Variants in MAP3K4 observed in about 807,000 individuals in gnomAD.
The protein encoded by MAP3K4 is mitogen-activated protein kinase kinase kinase 4.
MAP3K4 carries 67 observed loss-of-function variants against 185.6 expected under a neutral mutation model. That is an observed-to-expected ratio of 0.36 (90% confidence interval 0.30 to 0.44). The LOEUF (loss-of-function observed/expected upper bound fraction) is 0.44. Among genes scored for constraint, MAP3K4 ranks in the 20% least tolerant of loss-of-function variants. The probability of loss-of-function intolerance (pLI) is 1.00; values close to 1 mark genes in which losing one functional copy is unlikely to be tolerated. For synonymous variants in MAP3K4, 702 were observed against 710.4 expected, an observed-to-expected ratio of 0.99 and a Z score of 0.19; for missense variants, 1,551 against 1,995.1, an observed-to-expected ratio of 0.78 and a Z score of 4.24.
chr6:161,098,360 A>G lies in MAP3K4; in HGVS notation c.3607A>G (p.Ser1203Gly), dbSNP rs761298120. 3.7e-6 allele frequency: 6 copies of G among 1,613,586 alleles called. No homozygotes were observed. The highest frequency in any genetic ancestry group is 2.5e-6 in the Non-Finnish European group (3 of 1,179,932). ...TGCTGCTGCTGCTGCTGTTGCTGCC[A>G]GTCGGCCCAGCCCCTCTGGTGGTGA... ...AAAAAAAVAA[S>G]RPSPSGGDSV... is the part of the protein sequence containing the mutation. Residue 1203 changes from serine to glycine, a missense_variant, in exon 17 of 27, where the codon AGT becomes GGT. Transcript: ENST00000392142. This position sits in a 1 kb window ranked among gnomAD's most constrained non-coding sequence, Gnocchi z 4.4.
At chr6:161,057,632 A>G (rs1442948054) in intron 3 of MAP3K4, among the ~76,000 whole-genome samples, 6 of 152,200 alleles carry the variant, frequency 3.9e-5, no homozygotes, top group African/African-American at 1.4e-4. Context: ...AAGCTAGACC[A>G]GCAACAGTGT....
chr6:161,081,536 G>A (rs1785457443), intron 6 of MAP3K4, among the ~76,000 whole-genome samples: 1 of 152,122 alleles, frequency 6.6e-6, no homozygotes, highest in Admixed American at 6.5e-5. Context: ...CACTGTTTGG[G>A]GAATGTAGTG....
At position 161,108,036 on chromosome 6, in the gene MAP3K4, C is replaced by T. The variant is rs571186878; in HGVS notation, c.4119+67C>T. ...CTGGGTGATAGAAATTCCGTATAGA[C>T]GCTGGTCGTGATTCAGTTCTCTGTG... On this transcript the variant is annotated intron_variant, in intron 21 of 26. Coordinates refer to ENST00000392142, the MANE Select transcript of MAP3K4 (RefSeq NM_005922.4). This position sits in a 1 kb window ranked among gnomAD's most constrained non-coding sequence, Gnocchi z 5.7. 131 of 1,419,968 alleles carry T rather than the reference C, an allele frequency of 9.2e-5. 1 individual carries two copies. In the Middle Eastern group the frequency reaches 1.2e-3, roughly 14 times the overall value. 88.0% of individuals were successfully genotyped at this position (1,419,968 alleles called of 1,614,324 possible). A position where few individuals can be genotyped will look rare whatever the true frequency, so the allele number is the denominator to read the frequency against.
At chr6:161,099,492 G>A (rs1269697558) in intron 17 of MAP3K4, among the ~76,000 whole-genome samples, 1 of 152,156 alleles carries the variant, frequency 6.6e-6, no homozygotes, top group African/African-American at 2.4e-5. Flanking sequence ...TAACAACATT[G>A]AACAAATTCC....
In MAP3K4 at chr6:161,053,992, G is replaced by A. The variant is rs542675237; in HGVS notation, c.1707+4013G>A. Among the ~76,000 whole-genome samples the A allele has an allele frequency of 9.9e-4, 150 of 152,258 alleles. No individual in the cohort carries two copies. Among genetic ancestry groups the A allele is most frequent in the Non-Finnish European group, 1.6e-3 (111 of 68,022 alleles). On this transcript the variant is annotated intron_variant, in intron 3 of 26. Transcript: ENST00000392142. This position sits in a 1 kb window ranked among gnomAD's most constrained non-coding sequence, Gnocchi z 4.2. ...CAGTTTTTGTGGTTTCGTGATAATA[G>A]GAATGAATATAGGTGAAGGATTTTG... is the stretch of plus-strand genomic sequence containing the variant.
chr6:161,092,863 G>A (rs1387117908), intron 13 of MAP3K4, 115 bp from the exon 14 acceptor site: 1 of 550,618 alleles, frequency 1.8e-6, no homozygotes, highest in Non-Finnish European at 3.2e-6. Context: ...GCAAAAAAAA[G>A]TGTCTTGTCC....
chr6:161,102,573 A>T, intron 18 of MAP3K4, 126 bp from the exon 19 acceptor site: 1 of 605,016 alleles, frequency 1.7e-6, no homozygotes, highest in Non-Finnish European at 2.9e-6. Flanking sequence ...TACATCAAAC[A>T]CACTAAAAAT....
chr6:161,087,961 C>T lies in MAP3K4; in HGVS notation c.2823+7C>T. On this transcript the variant is annotated splice_region_variant and intron_variant, in intron 10 of 26. Transcript: ENST00000392142. The surrounding 1 kb of genome is among the most constrained non-coding windows in gnomAD (Gnocchi z 4.9). The stretch of plus-strand genomic sequence containing the variant: ...CACCCTGAGAAGCATGCAGGTACAG[C>T]TCATCTCCATCTTTGCAGCAGTGTT... 5.6e-6 allele frequency: 9 copies of T among 1,605,312 alleles called. No homozygotes were observed. Among genetic ancestry groups the T allele is most frequent in the Non-Finnish European group, 6.8e-6 (8 of 1,177,646 alleles).
At chr6:161,000,984 TATATATTATATATTATAATATACAC>T (rs1312901356) in intron 1 of MAP3K4, among the ~76,000 whole-genome samples, 3 of 130,010 alleles carry the variant, frequency 2.3e-5, no homozygotes, top group Non-Finnish European at 4.8e-5. Flanking sequence ...ATGTATATAA[TATATATTATATATTATAATATACAC>T]ATATGTATAT....
At chr6:161,010,825 G>A (rs1781810092) in intron 1 of MAP3K4, among the ~76,000 whole-genome samples, 1 of 152,192 alleles carries the variant, frequency 6.6e-6, no homozygotes, top group Admixed American at 6.5e-5. Context: ...GAAATTTTGA[G>A]TTAAGGTTAA....
At chr6:161,021,734 C>G (rs142536633) in intron 1 of MAP3K4, among the ~76,000 whole-genome samples, 2 of 152,298 alleles carry the variant, frequency 1.3e-5, no homozygotes, top group East Asian at 1.9e-4. Flanking sequence ...AGGGCAGGAA[C>G]AGTAATGTGT....
At position 161,106,757 on chromosome 6, in the gene MAP3K4, A is replaced by G. The variant is rs765098307; in HGVS notation, c.4048+52A>G. On this transcript the variant is annotated intron_variant, in intron 20 of 26. Coordinates refer to ENST00000392142, the MANE Select transcript of MAP3K4 (RefSeq NM_005922.4). This position sits in a 1 kb window ranked among gnomAD's most constrained non-coding sequence, Gnocchi z 4.9. ...AAGATAGTCCCTGTTAGAAGTAGCA[A>G]TAGTTATACTTCTTTAGGTTGAATC... 2.1e-6 allele frequency: 3 copies of G among 1,422,118 alleles called. No homozygotes were observed. Among genetic ancestry groups the G allele is most frequent in the African/African-American group, 1.4e-5 (1 of 70,056 alleles). The allele number at this position is 1,422,118 out of a possible 1,614,324, so 88.1% of individuals were successfully genotyped here.
intron 1 of MAP3K4, among the ~76,000 whole-genome samples, chr6:160,999,845 A>G (rs1189906006): frequency 6.6e-6 from 1 of 152,244 alleles, no homozygotes; most frequent in Non-Finnish European, 1.5e-5. Flanking sequence ...AAACGAGATG[A>G]AAGATTTGTT....
In MAP3K4 at chr6:161,082,630, C is replaced by A. The variant is rs1467442963; in HGVS notation, c.2255+1592C>A. ...CTCCGGCTTCAAACACTGTTTCTCCCAGGGTCAGTCGGTGTTGGAATCAGC... is the reference window on the plus strand; with the variant it reads ...CTCCGGCTTCAAACACTGTTTCTCCAAGGGTCAGTCGGTGTTGGAATCAGC... On this transcript the variant is annotated intron_variant, in intron 6 of 26. Coordinates refer to ENST00000392142, the MANE Select transcript of MAP3K4 (RefSeq NM_005922.4). The surrounding 1 kb of genome is among the most constrained non-coding windows in gnomAD (Gnocchi z 4.2). 6.6e-6 allele frequency among the ~76,000 whole-genome samples: 1 copy of A among 152,126 alleles called. No individual in the cohort carries two copies. Among genetic ancestry groups the A allele is most frequent in the Non-Finnish European group, 1.5e-5 (1 of 68,030 alleles).
chr6:161,035,357 T>C (rs1251061162), intron 2 of MAP3K4, among the ~76,000 whole-genome samples: 1 of 152,212 alleles, frequency 6.6e-6, no homozygotes, highest in Non-Finnish European at 1.5e-5. Flanking sequence ...TCTTCCTCTT[T>C]GTTCTGCTTC....
intron 1 of MAP3K4, among the ~76,000 whole-genome samples, chr6:161,029,158 C>T (rs73024076): frequency 0.035 from 5,235 of 151,448 alleles, 130 homozygotes; most frequent in Non-Finnish European, 0.047. Flanking sequence ...GAACTTCATA[C>T]AGATGAATAT....
In MAP3K4 at chr6:161,106,797, C is replaced by T. The variant is rs1778094388; in HGVS notation, c.4048+92C>T. The T allele has an allele frequency of 1.9e-6, 2 of 1,055,858 alleles. No individual in the cohort carries two copies. Among genetic ancestry groups the T allele is most frequent in the Non-Finnish European group, 2.6e-6 (2 of 762,654 alleles). The allele number at this position is 1,055,858 out of a possible 1,614,324, so 65.4% of individuals were successfully genotyped here. A position where few individuals can be genotyped will look rare whatever the true frequency, so the allele number is the denominator to read the frequency against. ...TAGGTTGAATCCTATAGAGTTGGCCCTTTTTTCTTGTAGACATAGCAAGTA... is the reference window on the plus strand; with the variant it reads ...TAGGTTGAATCCTATAGAGTTGGCCTTTTTTTCTTGTAGACATAGCAAGTA... On this transcript the variant is annotated intron_variant, in intron 20 of 26. Transcript: ENST00000392142. This position sits in a 1 kb window ranked among gnomAD's most constrained non-coding sequence, Gnocchi z 4.9.
chr6:161,005,399 C>A (rs1247929305), intron 1 of MAP3K4, among the ~76,000 whole-genome samples: 1 of 152,132 alleles, frequency 6.6e-6, no homozygotes, highest in Non-Finnish European at 1.5e-5. Flanking sequence ...CTCGGTCTCG[C>A]AAAGTGCTGG....
At chr6:161,014,324 G>C (rs1397701800) in intron 1 of MAP3K4, among the ~76,000 whole-genome samples, 2 of 152,190 alleles carry the variant, frequency 1.3e-5, no homozygotes, top group Admixed American at 6.5e-5. Flanking sequence ...GTATTTGAAT[G>C]AGAGTTAATG....
Sources: allele counts gnomAD v4.1 joint callset (sites outside exome capture counted in the v4.1 genomes callset), GRCh38; gene constraint gnomAD v4.1.1; non-coding constraint Gnocchi (gnomAD v3.1); transcripts MANE v1.5; gene names NCBI Gene and HGNC (gene_info 2026-07-23, HGNC 2026-07-21).